The following LRP4 variants were observed in gnomAD, a reference collection of about 807,000 sequenced individuals.
LRP4 encodes LDL receptor related protein 4, also known as low-density lipoprotein receptor-related protein 4.
Under a neutral mutation model 220.3 loss-of-function variants are expected in LRP4, and 95 were observed. The observed-to-expected ratio is 0.43, with a 90% CI of 0.37 to 0.51. LRP4 has a LOEUF of 0.51. Ranked by LOEUF, LRP4 falls within the 20% of genes least tolerant of loss-of-function variation. The pLI is 0.00. For missense variants in LRP4, 1,925 were observed against 2,567.0 expected, an observed-to-expected ratio of 0.75 and a Z score of 5.40; for synonymous variants, 903 against 954.6, an observed-to-expected ratio of 0.95 and a Z score of 1.00.
intron 8 of LRP4, 94 bp from the exon 9 acceptor site, chr11:46,896,429 T>G (rs1020070087): frequency 1.3e-6 from 2 of 1,522,402 alleles, no homozygotes; most frequent in African/African-American, 2.7e-5. Context: ...TGGAGACAGA[T>G]GAGACTCAAG....
At chr11:46,868,922 A>G in intron 32 of LRP4, 66 bp downstream of exon 32, 2 of 1,606,314 alleles carry the variant, frequency 1.2e-6, no homozygotes, top group Non-Finnish European at 1.7e-6. Context: ...GGTCCCTAAC[A>G]GTCCTTGGGT....
intron 28 of LRP4, 129 bp downstream of exon 28, chr11:46,874,671 C>A (rs1415930154): frequency 2.7e-6 from 2 of 752,716 alleles, no homozygotes; most frequent in Non-Finnish European, 4.5e-6. Flanking sequence ...ACAAAGTGAA[C>A]AAGTCAGGAT....
Position 46,879,238 on chromosome 11 carries a change from C to A in LRP4, c.2892G>T (p.Gln964His). 6.2e-7 allele frequency: 1 copy of A among 1,614,264 alleles called. No homozygotes were observed. The highest frequency in any genetic ancestry group is 8.5e-7 in the Non-Finnish European group (1 of 1,180,054). Residue 964 changes from glutamine (Q) to histidine (H), a missense_variant, in exon 21 of 38, where the codon CAG becomes CAT. By Grantham distance (24) the Gln-to-His change is conservative. This residue lies in a region of LRP4 where 1,244 missense variants were observed against 1,624.9 expected (regional missense o/e 0.77). Transcript: ENST00000378623. The part of the protein sequence containing the change: ...YGERIYWTDW[Q>H]TKSIQSADRL... ...GGTCAGCGCTCTGTATGCTCTTGGTCTGCCAGTCAGTCCAATAGATGCGCT... is the reference window on the plus strand; with the variant it reads ...GGTCAGCGCTCTGTATGCTCTTGGTATGCCAGTCAGTCCAATAGATGCGCT...
At chr11:46,908,021 G>A (rs1168932664) in intron 1 of LRP4, among the ~76,000 whole-genome samples, 2 of 151,772 alleles carry the variant, frequency 1.3e-5, no homozygotes, top group Admixed American at 6.6e-5. Context: ...GGCAACCTCC[G>A]CCTCCCGAGA....
chr11:46,868,906 T>G, intron 32 of LRP4, 82 bp downstream of exon 32: 1 of 1,581,014 alleles, frequency 6.3e-7, no homozygotes, highest in African/African-American at 1.3e-5. Flanking sequence ...TGGCCCTAAC[T>G]GTCTTGGTCC....
At chr11:46,903,945 G>C (rs986644688) in intron 1 of LRP4, among the ~76,000 whole-genome samples, 5 of 152,182 alleles carry the variant, frequency 3.3e-5, no homozygotes, top group Non-Finnish European at 5.9e-5. Flanking sequence ...GCCTGGCCAA[G>C]TCCCATGACC....
chr11:46,864,665 G>A (rs1940649344), intron 35 of LRP4, 130 bp from the exon 36 acceptor site: 1 of 712,706 alleles, frequency 1.4e-6, no homozygotes, highest in Admixed American at 2.0e-5. Flanking sequence ...ATGGCTAAGG[G>A]CCTCCTTTTC....
At chr11:46,878,189 C>G (rs1477482886) in intron 22 of LRP4, among the ~76,000 whole-genome samples, 1 of 151,668 alleles carries the variant, frequency 6.6e-6, no homozygotes, top group Non-Finnish European at 1.5e-5. Context: ...ACAAAAGTGG[C>G]ACATCTAAGG....
Position 46,896,228 on chromosome 11 carries a change from T to G in LRP4, c.1030A>C (p.Ser344Arg). The G allele has an allele frequency of 6.2e-7, 1 of 1,614,066 alleles. No homozygotes were observed. Among genetic ancestry groups the G allele is most frequent in the Non-Finnish European group, 8.5e-7 (1 of 1,180,042 alleles). The change falls in exon 9 of 38, where the codon AGC (serine) becomes CGC (arginine). Residue 344 changes from serine (S) to arginine (R), a missense_variant. By Grantham distance (110) the Ser-to-Arg change is moderately radical (BLOSUM62 -1). This residue lies in a region of LRP4 where 412 missense variants were observed against 505.4 expected (regional missense o/e 0.82). Transcript: ENST00000378623. ...CACTCACGGCAATTCTGCTGTGGGC[T>G]TTCGTCGCTGTTGTCACCACAGTCG... is the stretch of plus-strand genomic sequence containing the variant. ...VNDCGDNSDE[S>R]PQQNCRPRTG...
In LRP4 at chr11:46,903,618, C is replaced by T. The variant is rs143856080; in HGVS notation, c.53-689G>A. 5.9e-5 allele frequency among the ~76,000 whole-genome samples: 9 copies of T among 152,346 alleles called. No individual in the cohort carries two copies. In the East Asian group the frequency reaches 1.7e-3, roughly 29 times the overall value. Reference sequence around the variant, plus strand: ...TTGAGAGGCCTCCATAGCCTTCTCACTAAAACTAGGTTGAGATATGGACGC... The same window carrying T: ...TTGAGAGGCCTCCATAGCCTTCTCATTAAAACTAGGTTGAGATATGGACGC... On this transcript the variant is annotated intron_variant, in intron 1 of 37. Transcript: ENST00000378623.
chr11:46,883,793 C>G lies in LRP4; in HGVS notation c.2612+78G>C, dbSNP rs546843475. 9 of 1,141,516 alleles carry G rather than the reference C, an allele frequency of 7.9e-6. No individual in the cohort carries two copies. In the South Asian group the frequency reaches 1.2e-4, roughly 15 times the overall value. The allele number at this position is 1,141,516 out of a possible 1,614,324, so 70.7% of individuals were successfully genotyped here. On this transcript the variant is annotated intron_variant, in intron 19 of 37. Transcript: ENST00000378623. ...TATCCATAAGATCTGGTCACTCTTC[C>G]TAATCTTTAGACTCCTCTCTGGAGC...
At chr11:46,868,206 T>A in intron 33 of LRP4, 92 bp from the exon 34 acceptor site, 1 of 1,507,838 alleles carries the variant, frequency 6.6e-7, no homozygotes, top group Non-Finnish European at 9.2e-7. Flanking sequence ...GACAAAACAA[T>A]CTTTTAGCTG....
rs372468767 is a variant in LRP4, at chr11:46,896,971, G to C, written c.820C>G (p.Gln274Glu). The C allele has an allele frequency of 6.1e-5, 98 of 1,614,086 alleles. No homozygotes were observed. Among genetic ancestry groups the C allele is most frequent in the Non-Finnish European group, 7.9e-5 (93 of 1,180,028 alleles). ...CAGCGGCCTGAGTGACAGCGGAACT[G>C]TTCTGCCGTACACATGGAGGTGGCT... ...NCTTSMCTAE[Q>E]FRCHSGRCVR... Residue 274 changes from glutamine to glutamate, a missense_variant, in exon 8 of 38, where the codon CAG (glutamine) becomes GAG (glutamate). This residue lies in a region of LRP4 where 412 missense variants were observed against 505.4 expected (regional missense o/e 0.82). Transcript: ENST00000378623.
intron 10 of LRP4, 55 bp from the exon 11 acceptor site, chr11:46,895,346 C>G (rs1000430920): frequency 2.4e-5 from 38 of 1,603,664 alleles, no homozygotes; most frequent in Non-Finnish European, 3.2e-5. Flanking sequence ...CCCACTCCCG[C>G]TCCCAGGCTG....
chr11:46,882,367 C>T (rs1941181369), intron 19 of LRP4, among the ~76,000 whole-genome samples: 1 of 151,664 alleles, frequency 6.6e-6, no homozygotes, highest in Non-Finnish European at 1.5e-5. Context: ...GTCCCAGCTA[C>T]TTGAGAGGCT....
At chr11:46,872,214 C>T (rs773916804) in intron 30 of LRP4, among the ~76,000 whole-genome samples, 3 of 152,198 alleles carry the variant, frequency 2.0e-5, no homozygotes, top group Non-Finnish European at 2.9e-5. Context: ...CGAGATCGTG[C>T]GACTGCACTC....
At chr11:46,897,093 CT>C (rs1941548956) in intron 7 of LRP4, 99 bp from the exon 8 acceptor site, 1 of 1,476,984 alleles carries the variant, frequency 6.8e-7, no homozygotes, top group African/African-American at 1.4e-5. Flanking sequence ...CCATGCCACT[CT>C]TGACACCGGG....
intron 18 of LRP4, among the ~76,000 whole-genome samples, chr11:46,885,217 C>T (rs1357467591): frequency 6.6e-6 from 1 of 152,118 alleles, no homozygotes; most frequent in African/African-American, 2.4e-5. Context: ...CCAGGCTGAT[C>T]TTGAACTCCT....
Position 46,894,616 on chromosome 11 carries a change from C to T in LRP4, c.1513G>A (p.Val505Ile). 6.2e-7 allele frequency: 1 copy of T among 1,611,656 alleles called. No homozygotes were observed. Among genetic ancestry groups the T allele is most frequent in the South Asian group, 1.1e-5 (1 of 90,706 alleles). Residue 505 changes from valine to isoleucine, a missense_variant, in exon 12 of 38, where the codon GTT becomes ATT. Physicochemically the swap from Val to Ile is conservative, Grantham distance 29. Coordinates refer to ENST00000378623, the MANE Select transcript of LRP4 (RefSeq NM_002334.4). ...GGGCTCTCCAGCCCAGTAGACACAA[C>T]CTCCTCCACGTTGCTGCCGTTGAGG... is the stretch of plus-strand genomic sequence containing the variant. ...ANLNGSNVEEVVSTGLESPGG... is the reference protein window; with the variant it reads ...ANLNGSNVEEIVSTGLESPGG...
Sources: gnomAD v4.1 joint callset for allele counts (sites outside exome capture counted in the v4.1 genomes callset) on GRCh38, gnomAD v4.1.1 for gene constraint, gnomAD v4.1.1 regional missense constraint, MANE v1.5 for transcripts, NCBI Gene and HGNC (gene_info 2026-07-23, HGNC 2026-07-21) for gene names.